Variants in GCH1 observed in about 807,000 individuals in gnomAD.
GCH1 encodes the protein GTP cyclohydrolase 1.
Under a neutral mutation model 25.9 loss-of-function variants are expected in GCH1, and 5 were observed. The observed-to-expected ratio is 0.19, with a 90% CI of 0.10 to 0.41. The LOEUF is 0.41. GCH1 is among the 10% of genes least tolerant of loss of function. GCH1 has a pLI of 1.00. For missense variants in GCH1, 261 were observed against 336.5 expected, an observed-to-expected ratio of 0.78 and a Z score of 1.75; for synonymous variants, 159 against 129.6, an observed-to-expected ratio of 1.23 and a Z score of -1.54.
At chr14:54,869,642 A>G (rs7141319) in intron 1 of GCH1, among the ~76,000 whole-genome samples, 31,389 of 151,920 alleles carry the variant, frequency 0.21, 4,400 homozygotes, top group East Asian at 0.41. Flanking sequence ...CACCACGCCC[A>G]GCTAATTTTG....
intron 3 of GCH1, among the ~76,000 whole-genome samples, chr14:54,856,055 C>CTAA (rs1270597353): frequency 5.9e-5 from 9 of 152,106 alleles, no homozygotes; most frequent in Admixed American, 2.0e-4. Flanking sequence ...CCTCTGTAAT[C>CTAA]TAATACTCAC....
At chr14:54,856,027 GA>G (rs11439363) in intron 3 of GCH1, among the ~76,000 whole-genome samples, 1 of 150,782 alleles carries the variant, frequency 6.6e-6, no homozygotes, top group East Asian at 1.9e-4. Flanking sequence ...AGTCAAAAAA[GA>G]AAAAAAAATA....
rs1312367158 is a variant in GCH1 at position 54,880,721 on chromosome 14, CAT to C, written c.344-15287_344-15286del. On this transcript the variant is annotated intron_variant, in intron 1 of 5. Transcript: ENST00000491895. ...TATATATACTCCATATATATATACT[CAT>C]ATATATATATATACTCCATATATAT... Among the ~76,000 whole-genome samples, 2 of 36,656 alleles carry C rather than the reference CAT, an allele frequency of 5.5e-5. 1 individual carries two copies. Among genetic ancestry groups the C allele is most frequent in the African/African-American group, 4.6e-4 (2 of 4,302 alleles). The allele number at this position is 36,656 out of a possible 152,430, so 24.0% of individuals were successfully genotyped here. A position where few individuals can be genotyped will look rare whatever the true frequency, so the allele number is the denominator to read the frequency against.
At chr14:54,850,036 A>C (rs1051665283) in intron 3 of GCH1, among the ~76,000 whole-genome samples, 1 of 151,994 alleles carries the variant, frequency 6.6e-6, no homozygotes, top group Non-Finnish European at 1.5e-5. Flanking sequence ...GTGCAGCAGC[A>C]CAATCTTAGC....
chr14:54,883,894 G>A lies in GCH1; in HGVS notation c.343+18427C>T, dbSNP rs183471800. Among the ~76,000 whole-genome samples the A allele has an allele frequency of 4.6e-5, 7 of 152,216 alleles. No homozygotes were observed. In the East Asian group the frequency reaches 1.4e-3, roughly 29 times the overall value. On this transcript the variant is annotated intron_variant, in intron 1 of 5. Transcript: ENST00000491895. ...AGCCAACTCCACCTAAAGAAGGTGA[G>A]GCAGGAAGGACCCAGGTAGAGAACC...
intron 3 of GCH1, among the ~76,000 whole-genome samples, chr14:54,855,505 CAAAAAAA>C (rs764999718): frequency 1.4e-4 from 5 of 36,432 alleles, no homozygotes; most frequent in African/African-American, 3.5e-4. Context: ...GACCCTGTCT[CAAAAAAA>C]AAAAAAAAAA....
chr14:54,873,954 A>C (rs2040119478), intron 1 of GCH1, among the ~76,000 whole-genome samples: 1 of 152,220 alleles, frequency 6.6e-6, no homozygotes, highest in African/African-American at 2.4e-5. Context: ...AAACTATTCC[A>C]ATCAATAGAA....
At chr14:54,873,240 G>A (rs1383078853) in intron 1 of GCH1, among the ~76,000 whole-genome samples, 1 of 152,176 alleles carries the variant, frequency 6.6e-6, no homozygotes, top group Non-Finnish European at 1.5e-5. Flanking sequence ...GCTCCTGAAT[G>A]ACTACTGGGT....
intron 1 of GCH1, among the ~76,000 whole-genome samples, chr14:54,877,552 G>A (rs562268167): frequency 4.6e-4 from 70 of 151,776 alleles, no homozygotes; most frequent in Admixed American, 9.2e-4. Flanking sequence ...GGAATGCAGC[G>A]GCACAATCTC....
At chr14:54,890,313 C>A (rs1325453791) in intron 1 of GCH1, among the ~76,000 whole-genome samples, 1 of 152,226 alleles carries the variant, frequency 6.6e-6, no homozygotes, top group East Asian at 1.9e-4. Context: ...GCCTGACCCA[C>A]ACGGAGAAAC....
chr14:54,861,655 G>A lies in GCH1; in HGVS notation c.454-1919C>T, dbSNP rs376122448. Among the ~76,000 whole-genome samples, 15 of 151,840 alleles carry A rather than the reference G, an allele frequency of 9.9e-5. No individual in the cohort carries two copies. The South Asian group carries it at 1.9e-3, about 19-fold the overall frequency. On this transcript the variant is annotated intron_variant, in intron 2 of 5. Coordinates refer to ENST00000491895, the MANE Select transcript of GCH1 (RefSeq NM_000161.3). ...GAAGAATTGCTTGAACCTGGGAGGC[G>A]GAGGTTGCAGTGAGCCGAGATCGCA...
chr14:54,891,557 A>G lies in GCH1; in HGVS notation c.343+10764T>C, dbSNP rs114266336. ...CCCGAGTACCTGGGATTACAGGCACATGCCACTATGCCTGCTTAATTTTTG... is the reference window on the plus strand; with the variant it reads ...CCCGAGTACCTGGGATTACAGGCACGTGCCACTATGCCTGCTTAATTTTTG... On this transcript the variant is annotated intron_variant, in intron 1 of 5. Transcript: ENST00000491895. Among the ~76,000 whole-genome samples, 1,433 of 152,088 alleles carry G rather than the reference A, an allele frequency of 9.4e-3. 28 individuals carry two copies. Among genetic ancestry groups the G allele is most frequent in the African/African-American group, 0.032 (1,347 of 41,478 alleles).
At position 54,843,229 on chromosome 14, in the gene GCH1, C is replaced by G. The variant is rs1447152172; in HGVS notation, c.*788G>C. On this transcript the variant is annotated 3_prime_UTR_variant, in exon 6 of 6. Coordinates refer to ENST00000491895, the MANE Select transcript of GCH1 (RefSeq NM_000161.3). ...TGACTAGTTATTTGCAGTGTGAGTA[C>G]TAAGTCTCATAAAATAATGGCTTTT... 2 of 1,408,932 alleles carry G rather than the reference C, an allele frequency of 1.4e-6. No homozygotes were observed. Among genetic ancestry groups the G allele is most frequent in the African/African-American group, 2.9e-5 (2 of 69,116 alleles). The allele number at this position is 1,408,932 out of a possible 1,614,324, so 87.3% of individuals were successfully genotyped here.
In GCH1 at chr14:54,880,795, TATATATATATACTCC is replaced by T. The variant is rs1353570427; in HGVS notation, c.344-15374_344-15360del. On this transcript the variant is annotated intron_variant, in intron 1 of 5. Transcript: ENST00000491895. ...ACTCCATATATATATATACTCCATA[TATATATATATACTCC>T]ATATATATATATATATACTCCATAT... Among the ~76,000 whole-genome samples, 209 of 72,450 alleles carry T rather than the reference TATATATATATACTCC, an allele frequency of 2.9e-3. 8 individuals carry two copies. Among genetic ancestry groups the T allele is most frequent in the African/African-American group, 5.2e-3 (67 of 12,866 alleles). The allele number at this position is 72,450 out of a possible 152,430, so 47.5% of individuals were successfully genotyped here. A position where few individuals can be genotyped will look rare whatever the true frequency, so the allele number is the denominator to read the frequency against.
chr14:54,884,421 A>G (rs1203305688), intron 1 of GCH1, among the ~76,000 whole-genome samples: 1 of 152,172 alleles, frequency 6.6e-6, no homozygotes, highest in African/African-American at 2.4e-5. Flanking sequence ...CATGGAACAG[A>G]AACAAAATTC....
At chr14:54,844,909 C>T (rs1046097799) in intron 5 of GCH1, among the ~76,000 whole-genome samples, 7 of 152,222 alleles carry the variant, frequency 4.6e-5, no homozygotes, top group Non-Finnish European at 1.0e-4. Flanking sequence ...TGGTGGCTCA[C>T]GCCAGTAATC....
At chr14:54,863,066 A>G (rs1284889004) in intron 2 of GCH1, among the ~76,000 whole-genome samples, 1 of 152,212 alleles carries the variant, frequency 6.6e-6, no homozygotes, top group Non-Finnish European at 1.5e-5. Flanking sequence ...TGAATTCGTT[A>G]TTAGACACTA....
intron 1 of GCH1, among the ~76,000 whole-genome samples, chr14:54,872,296 C>A (rs1000815049): frequency 1.3e-5 from 2 of 152,032 alleles, no homozygotes; most frequent in African/African-American, 4.8e-5. Flanking sequence ...CAAGCAAATG[C>A]TGAGAGATTT....
chr14:54,843,226 G>A lies in GCH1; in HGVS notation c.*791C>T. ...AGCTGACTAGTTATTTGCAGTGTGAGTACTAAGTCTCATAAAATAATGGCT... is the reference window on the plus strand; with the variant it reads ...AGCTGACTAGTTATTTGCAGTGTGAATACTAAGTCTCATAAAATAATGGCT... On this transcript the variant is annotated 3_prime_UTR_variant, in exon 6 of 6. Transcript: ENST00000491895. 2 of 1,409,122 alleles carry A rather than the reference G, an allele frequency of 1.4e-6. No homozygotes were observed. Among genetic ancestry groups the A allele is most frequent in the Non-Finnish European group, 1.8e-6 (2 of 1,086,946 alleles). The allele number at this position is 1,409,122 out of a possible 1,614,324, so 87.3% of individuals were successfully genotyped here.
Sources: allele counts gnomAD v4.1 joint callset (sites outside exome capture counted in the v4.1 genomes callset), GRCh38; gene constraint gnomAD v4.1.1; transcripts MANE v1.5; gene names NCBI Gene and HGNC (gene_info 2026-07-23, HGNC 2026-07-21).